The following BRI3BP variants were observed in gnomAD, a reference collection of about 807,000 sequenced individuals.
BRI3BP encodes the protein BRI3-binding protein.
BRI3BP carries 7 observed loss-of-function variants against 15.8 expected under a neutral mutation model. That is an observed-to-expected ratio of 0.44 (90% confidence interval 0.25 to 0.83). The LOEUF (loss-of-function observed/expected upper bound fraction) is 0.83, where lower values mean the gene tolerates loss of function less well. BRI3BP is among the 40% of genes least tolerant of loss of function. The pLI, the probability that BRI3BP is intolerant of heterozygous loss-of-function variation, is 0.20. For synonymous variants in BRI3BP, 192 were observed against 163.5 expected, an observed-to-expected ratio of 1.17 and a Z score of -1.33; for missense variants, 320 against 339.3, an observed-to-expected ratio of 0.94 and a Z score of 0.45.
chr12:125,050,027 G>A, the BRI3BP span, among the ~76,000 whole-genome samples: 549 of 152,306 alleles, frequency 3.6e-3, 5 homozygotes, highest in African/African-American at 0.013. Context: ...GACCCCTCCT[G>A]CAAATTCAGA....
chr12:125,038,932 A>G, the BRI3BP span, among the ~76,000 whole-genome samples: 3 of 151,980 alleles, frequency 2.0e-5, no homozygotes, highest in Non-Finnish European at 2.9e-5. Context: ...TCTACTAAAA[A>G]TAGAAAAATT....
intron 2 of BRI3BP, among the ~76,000 whole-genome samples, chr12:125,021,542 G>T (rs1346761675): frequency 6.6e-6 from 1 of 152,146 alleles, no homozygotes; most frequent in Non-Finnish European, 1.5e-5. Flanking sequence ...ATCTGTATTT[G>T]CTGGTTTCCA....
chr12:124,995,433 C>G (rs1052081669), intron 1 of BRI3BP, among the ~76,000 whole-genome samples: 1 of 152,176 alleles, frequency 6.6e-6, no homozygotes, highest in African/African-American at 2.4e-5. Context: ...CTTTTTCACG[C>G]AGGGTGACCA....
At chr12:125,007,466 T>C (rs1955154876) in intron 1 of BRI3BP, among the ~76,000 whole-genome samples, 1 of 152,138 alleles carries the variant, frequency 6.6e-6, no homozygotes, top group Non-Finnish European at 1.5e-5. Flanking sequence ...AGAGAATTGC[T>C]TGGACCTGGG....
chr12:125,025,512 A>G lies in BRI3BP; in HGVS notation c.*82A>G. 1 of 1,312,818 alleles carries G rather than the reference A, an allele frequency of 7.6e-7. No homozygotes were observed. The highest frequency in any genetic ancestry group is 2.8e-5 in the Admixed American group (1 of 35,470). The allele number at this position is 1,312,818 out of a possible 1,614,324, so 81.3% of individuals were successfully genotyped here. A position where few individuals can be genotyped will look rare whatever the true frequency, so the allele number is the denominator to read the frequency against. On this transcript the variant is annotated 3_prime_UTR_variant, in exon 3 of 3. Transcript: ENST00000341446. ...ACGGAGGAAAAAAACCCCAAACCCC[A>G]AACAATCTTAATAAACACGACTGAG...
At chr12:125,047,575 C>A in the BRI3BP span, among the ~76,000 whole-genome samples, 2 of 151,936 alleles carry the variant, frequency 1.3e-5, no homozygotes, top group African/African-American at 4.8e-5. Flanking sequence ...GGGGTTTTGC[C>A]ATGTTGGCCA....
At chr12:125,036,740 G>C in the BRI3BP span, among the ~76,000 whole-genome samples, 1 of 152,200 alleles carries the variant, frequency 6.6e-6, no homozygotes, top group Admixed American at 6.5e-5. Flanking sequence ...GGTATTTGGA[G>C]ACAGGGTCTT....
intron 2 of BRI3BP, among the ~76,000 whole-genome samples, chr12:125,020,847 T>C (rs1273003341): frequency 6.6e-6 from 1 of 152,000 alleles, no homozygotes; most frequent in Non-Finnish European, 1.5e-5. Context: ...GCTACTGAAG[T>C]CTAGCCTGGG....
intron 2 of BRI3BP, among the ~76,000 whole-genome samples, chr12:125,024,361 A>C (rs932010971): frequency 1.1e-4 from 16 of 150,962 alleles, no homozygotes; most frequent in African/African-American, 1.5e-4. Flanking sequence ...ATTATAATTC[A>C]AGATGAGATT....
intron 1 of BRI3BP, among the ~76,000 whole-genome samples, chr12:125,008,534 G>C (rs1955169156): frequency 6.6e-6 from 1 of 151,834 alleles, no homozygotes; most frequent in East Asian, 1.9e-4. Context: ...GGATGGTCTA[G>C]ATCTCCTGAC....
At chr12:124,998,957 G>A (rs1260607501) in intron 1 of BRI3BP, among the ~76,000 whole-genome samples, 2 of 151,904 alleles carry the variant, frequency 1.3e-5, no homozygotes, top group African/African-American at 2.4e-5. Context: ...GCACACCTGT[G>A]GTCCCAGCTA....
chr12:125,019,808 A>G (rs1053431098), intron 2 of BRI3BP, among the ~76,000 whole-genome samples: 7 of 151,998 alleles, frequency 4.6e-5, no homozygotes, highest in African/African-American at 1.7e-4. Flanking sequence ...AAACATTCAA[A>G]GCACTGCCAC....
Position 125,025,555 on chromosome 12 carries a change from G to A in BRI3BP, c.*125G>A. 1 of 1,058,900 alleles carries A rather than the reference G, an allele frequency of 9.4e-7. No homozygotes were observed. Among genetic ancestry groups the A allele is most frequent in the African/African-American group, 1.6e-5 (1 of 62,600 alleles). The allele number at this position is 1,058,900 out of a possible 1,614,324, so 65.6% of individuals were successfully genotyped here. ...CGACTGAGCAAGAAAGTGGCGCTGTGTAGGGCTATTTCCACCCACCCGGCA... is the reference window on the plus strand; with the variant it reads ...CGACTGAGCAAGAAAGTGGCGCTGTATAGGGCTATTTCCACCCACCCGGCA... On this transcript the variant is annotated 3_prime_UTR_variant, in exon 3 of 3. Coordinates refer to ENST00000341446, the MANE Select transcript of BRI3BP (RefSeq NM_080626.6).
intron 2 of BRI3BP, among the ~76,000 whole-genome samples, chr12:125,019,953 CTTTTT>C (rs71092263): frequency 2.7e-5 from 2 of 75,088 alleles, no homozygotes; most frequent in African/African-American, 6.4e-5. Flanking sequence ...CAACAACAGA[CTTTTT>C]TTTTTTTTTT....
chr12:125,034,116 A>G (rs751964671), downstream of BRI3BP, among the ~76,000 whole-genome samples: 9 of 150,906 alleles, frequency 6.0e-5, no homozygotes, highest in Non-Finnish European at 4.4e-5. Context: ...GCACAATCTC[A>G]GCTCACCGCA....
intron 1 of BRI3BP, among the ~76,000 whole-genome samples, chr12:124,997,214 C>CTCTTTTTTTTTTTTTTTTTT (rs1335395514): frequency 3.9e-5 from 2 of 51,550 alleles, no homozygotes; most frequent in African/African-American, 1.0e-4. Flanking sequence ...CTTTACTTCT[C>CTCTTTTTTTTTTTTTTTTTT]TTTTTTTTTT....
intron 2 of BRI3BP, among the ~76,000 whole-genome samples, chr12:125,017,777 CTTCCAACAAAGT>C (rs1955260342): frequency 6.6e-6 from 1 of 152,146 alleles, no homozygotes; most frequent in Non-Finnish European, 1.5e-5. Flanking sequence ...GCTGAGGCCA[CTTCCAACAAAGT>C]TTCCAGTAAA....
At chr12:125,014,305 C>T (rs532585987) in intron 2 of BRI3BP, among the ~76,000 whole-genome samples, 16 of 152,310 alleles carry the variant, frequency 1.1e-4, no homozygotes, top group Middle Eastern at 6.8e-3. Flanking sequence ...TCCCTGGTCC[C>T]AGCTGCCACC....
rs1955398283 is a variant in BRI3BP, at chr12:125,030,502, T to G, written c.*5072T>G. 1 of 152,220 alleles carries G rather than the reference T, an allele frequency of 6.6e-6. No individual in the cohort carries two copies. The highest frequency in any genetic ancestry group is 2.1e-4 in the South Asian group (1 of 4,832). The allele number at this position is 152,220 out of a possible 1,614,324, so 9.4% of individuals were successfully genotyped here. ...AACAAATTTTATTCAGCATATTAAATTATTCTGTGTTTTGCTTTTCCTTGA... is the reference window on the plus strand; with the variant it reads ...AACAAATTTTATTCAGCATATTAAAGTATTCTGTGTTTTGCTTTTCCTTGA... On this transcript the variant is annotated 3_prime_UTR_variant, in exon 3 of 3. Transcript: ENST00000341446.
Sources: allele counts gnomAD v4.1 joint callset (sites outside exome capture counted in the v4.1 genomes callset), GRCh38; gene constraint gnomAD v4.1.1; transcripts MANE v1.5; gene names NCBI Gene and HGNC (gene_info 2026-07-23, HGNC 2026-07-21).